Variants in LEMD1 observed in about 807,000 individuals in gnomAD.
LEMD1 encodes the protein LEM domain-containing protein 1.
A neutral mutation model predicts 17.4 loss-of-function variants in LEMD1; 18 were observed. That is an observed-to-expected ratio of 1.04 (90% CI 0.72 to 1.54). LEMD1 has a LOEUF of 1.54. Ranked by LOEUF, LEMD1 falls within the 40% of genes most tolerant of loss-of-function variation. The pLI is 0.00. For synonymous variants in LEMD1, 88 were observed against 77.8 expected (o/e 1.13, Z -0.69); for missense variants, 195 against 210.4 (o/e 0.93, Z 0.45).
At chr1:205,396,262 T>C (rs1664587113) in intron 4 of LEMD1, among the ~76,000 whole-genome samples, 1 of 152,226 alleles carries the variant, frequency 6.6e-6, no homozygotes, top group African/African-American at 2.4e-5. Flanking sequence ...TCCTTCCACC[T>C]TGGACTCTCA....
At chr1:205,399,080 T>C (rs1019159030) in intron 4 of LEMD1, among the ~76,000 whole-genome samples, 2 of 152,018 alleles carry the variant, frequency 1.3e-5, no homozygotes, top group Non-Finnish European at 1.5e-5. Flanking sequence ...CCGAGTGTGG[T>C]GGTGCAAGCC....
chr1:205,385,389 G>T (rs1370671676), intron 4 of LEMD1: 2 of 152,204 alleles, frequency 1.3e-5, no homozygotes, highest in African/African-American at 4.8e-5. Context: ...TTTTAGCAGA[G>T]ACGGGGTTTT....
chr1:205,416,107 C>T, intron 4 of LEMD1, 125 bp downstream of exon 4: 2 of 585,220 alleles, frequency 3.4e-6, no homozygotes, highest in South Asian at 5.6e-5. Context: ...CCTCTTTAAA[C>T]TAGGATTTTA....
chr1:205,413,021 T>A (rs988040814), intron 4 of LEMD1, among the ~76,000 whole-genome samples: 9 of 152,252 alleles, frequency 5.9e-5, no homozygotes, highest in African/African-American at 2.2e-4. Context: ...AATTTTGGTA[T>A]GATATCAGAA....
intron 1 of LEMD1, among the ~76,000 whole-genome samples, chr1:205,443,071 G>A (rs142915581): frequency 2.6e-4 from 40 of 152,282 alleles, no homozygotes; most frequent in Admixed American, 3.9e-4. Flanking sequence ...GTGGATTCCC[G>A]TGTAATCAGT....
At chr1:205,395,578 G>C (rs1206486642) in intron 4 of LEMD1, among the ~76,000 whole-genome samples, 2 of 135,230 alleles carry the variant, frequency 1.5e-5, no homozygotes, top group African/African-American at 5.6e-5. Context: ...TGGGCAACAA[G>C]AGCGAAATTC....
chr1:205,443,102 TC>T (rs1666323789), intron 1 of LEMD1, among the ~76,000 whole-genome samples: 1 of 152,184 alleles, frequency 6.6e-6, no homozygotes, highest in Admixed American at 6.5e-5. Flanking sequence ...CGTGCACTTC[TC>T]TTGCTGGGGA....
intron 1 of LEMD1, among the ~76,000 whole-genome samples, chr1:205,427,904 A>G (rs970413013): frequency 6.6e-6 from 1 of 152,228 alleles, no homozygotes; most frequent in Non-Finnish European, 1.5e-5. Flanking sequence ...CATACTCGTG[A>G]AATGGAAACA....
rs539477587 is a variant in LEMD1 at position 205,403,014 on chromosome 1, C to T, written c.270+13218G>A. Reference sequence around the variant, plus strand: ...ATGCTGGATTACATTTATTGATTTGCGTATATTGAACCAGCCTTGCAACCC... The same window carrying T: ...ATGCTGGATTACATTTATTGATTTGTGTATATTGAACCAGCCTTGCAACCC... On this transcript the variant is annotated intron_variant, in intron 4 of 5. Coordinates refer to ENST00000367153, the MANE Select transcript of LEMD1 (RefSeq NM_001199050.2). Among the ~76,000 whole-genome samples, 11 of 151,016 alleles carry T rather than the reference C, an allele frequency of 7.3e-5. No homozygotes were observed. The East Asian group carries it at 1.2e-3, about 16-fold the overall frequency.
chr1:205,395,120 TG>T (rs1231565171), intron 4 of LEMD1, among the ~76,000 whole-genome samples: 2 of 152,174 alleles, frequency 1.3e-5, no homozygotes, highest in Non-Finnish European at 2.9e-5. Flanking sequence ...ACTGAAATTT[TG>T]GGCAGAGGTC....
rs1663885235 is a variant in LEMD1, at chr1:205,384,373, C to G, written c.271-9G>C. 1.3e-6 allele frequency: 2 copies of G among 1,482,736 alleles called. No homozygotes were observed. Among genetic ancestry groups the G allele is most frequent in the African/African-American group, 2.9e-5 (2 of 69,734 alleles). 91.8% of individuals were successfully genotyped at this position (1,482,736 alleles called of 1,614,324 possible). ...GTGGAAGCCTCAGGCCACTGATAAACAGAAAGAAAATGTCAAGAGGAATTT... is the reference window on the plus strand; with the variant it reads ...GTGGAAGCCTCAGGCCACTGATAAAGAGAAAGAAAATGTCAAGAGGAATTT... On this transcript the variant is annotated splice_polypyrimidine_tract_variant and intron_variant, in intron 4 of 5. Transcript: ENST00000367153.
intron 1 of LEMD1, 158 bp from the exon 2 acceptor site, chr1:205,420,732 C>T: frequency 1.7e-6 from 1 of 580,350 alleles, no homozygotes; most frequent in Non-Finnish European, 3.1e-6. Context: ...GCCATAAATC[C>T]CTGCTGGGAT....
At chr1:205,438,939 G>A (rs913422507) in intron 1 of LEMD1, among the ~76,000 whole-genome samples, 7 of 152,224 alleles carry the variant, frequency 4.6e-5, no homozygotes, top group Admixed American at 4.6e-4. Flanking sequence ...TCCCCAGGAC[G>A]TACTTTCTCC....
intron 4 of LEMD1, among the ~76,000 whole-genome samples, chr1:205,392,307 A>G (rs545234531): frequency 9.2e-5 from 14 of 152,316 alleles, no homozygotes; most frequent in African/African-American, 3.1e-4. Flanking sequence ...AGTAGAATAT[A>G]TAAAGAAGAA....
At chr1:205,401,311 C>G (rs1664840939) in intron 4 of LEMD1, among the ~76,000 whole-genome samples, 1 of 152,202 alleles carries the variant, frequency 6.6e-6, no homozygotes, top group African/African-American at 2.4e-5. Context: ...ACAGTCCTAC[C>G]AAGAGTGTAA....
chr1:205,387,455 C>T (rs561851757), intron 4 of LEMD1: 10 of 152,030 alleles, frequency 6.6e-5, no homozygotes, highest in African/African-American at 2.4e-4. Flanking sequence ...GGTGTGTTTG[C>T]AGTTGATTTA....
chr1:205,401,213 G>C (rs1264017620), intron 4 of LEMD1, among the ~76,000 whole-genome samples: 2 of 152,118 alleles, frequency 1.3e-5, no homozygotes, highest in African/African-American at 2.4e-5. Context: ...TATATACCCA[G>C]TAATGGGATG....
At chr1:205,384,673 C>A (rs1663901952) in intron 4 of LEMD1, among the ~76,000 whole-genome samples, 1 of 152,150 alleles carries the variant, frequency 6.6e-6, no homozygotes, top group Admixed American at 6.5e-5. Context: ...TTTATTTGTA[C>A]TTTATTGCTT....
At chr1:205,400,747 G>A (rs967484263) in intron 4 of LEMD1, among the ~76,000 whole-genome samples, 3 of 151,384 alleles carry the variant, frequency 2.0e-5, no homozygotes, top group African/African-American at 4.9e-5. Flanking sequence ...TGTGCACAAT[G>A]TGCAGGTTAG....
Sources: allele counts gnomAD v4.1 joint callset (sites outside exome capture counted in the v4.1 genomes callset), GRCh38; gene constraint gnomAD v4.1.1; transcripts MANE v1.5; gene names NCBI Gene and HGNC (gene_info 2026-07-23, HGNC 2026-07-21).